Variants in PRKAG2 observed in about 807,000 individuals in gnomAD.
PRKAG2 encodes protein kinase AMP-activated non-catalytic subunit gamma 2, also known as 5'-AMP-activated protein kinase subunit gamma-2.
PRKAG2 carries 26 observed loss-of-function variants against 69.6 expected under a neutral mutation model. The ratio of observed to expected loss-of-function variants is 0.37; its 90% CI spans 0.27 to 0.52. PRKAG2 has a LOEUF of 0.52. Ranked by LOEUF, PRKAG2 falls within the 20% of genes least tolerant of loss-of-function variation. The pLI, the probability that PRKAG2 is intolerant of heterozygous loss-of-function variation, is 0.90. For missense variants in PRKAG2, 557 were observed against 740.0 expected (o/e 0.75, Z 2.87); for synonymous variants, 293 against 285.0 (o/e 1.03, Z -0.28).
chr7:151,796,717 C>T (rs2077555267), intron 1 of PRKAG2, among the ~76,000 whole-genome samples: 1 of 152,114 alleles, frequency 6.6e-6, no homozygotes, highest in Admixed American at 6.5e-5. Context: ...CTGTCCTTCC[C>T]CTTCGCAGAG....
intron 1 of PRKAG2, among the ~76,000 whole-genome samples, chr7:151,821,562 G>C (rs990499287): frequency 2.0e-5 from 3 of 152,126 alleles, no homozygotes; most frequent in South Asian, 4.1e-4. Context: ...CATGCACAAG[G>C]CTCCCCAATT....
chr7:151,735,756 T>G, intron 3 of PRKAG2: 1 of 1,136,994 alleles, frequency 8.8e-7, no homozygotes, highest in Non-Finnish European at 1.2e-6. Context: ...TTCCCACGTA[T>G]TCCTCTAACC....
At chr7:151,595,255 G>T in intron 6 of PRKAG2, 90 bp downstream of exon 6, 2 of 907,774 alleles carry the variant, frequency 2.2e-6, no homozygotes, top group Non-Finnish European at 1.8e-6. Context: ...CTCAATAAAC[G>T]TTTGCTGGCA....
At chr7:151,741,469 G>A (rs2073886874) in intron 3 of PRKAG2, among the ~76,000 whole-genome samples, 1 of 152,060 alleles carries the variant, frequency 6.6e-6, no homozygotes, top group Non-Finnish European at 1.5e-5. Context: ...CCTGAGGTCG[G>A]GAGTTCAAGA....
chr7:151,774,024 C>T (rs1273191323), intron 3 of PRKAG2, among the ~76,000 whole-genome samples: 4 of 152,066 alleles, frequency 2.6e-5, no homozygotes, highest in African/African-American at 9.7e-5. Context: ...AGATTTTGTC[C>T]CGGGGCTGAT....
intron 1 of PRKAG2, chr7:151,806,907 A>G: frequency 2.3e-6 from 1 of 439,610 alleles, no homozygotes; most frequent in South Asian, 1.6e-5. Context: ...TGGAGGTTGA[A>G]GTGAGCCAAG....
intron 1 of PRKAG2, among the ~76,000 whole-genome samples, chr7:151,851,129 AAAAC>A (rs2079557791): frequency 6.6e-6 from 1 of 152,094 alleles, no homozygotes; most frequent in Admixed American, 6.5e-5. Flanking sequence ...GAAATATCAC[AAAAC>A]AAACACACAC....
rs117160563 is a variant in PRKAG2 at position 151,583,415 on chromosome 7, G to A, written c.865-6963C>T. ...AATATTCCAAACGGACATGATACTC[G>A]TACAATGCATTAAAGAGCAGTGTCC... On this transcript the variant is annotated intron_variant, in intron 6 of 15. Coordinates refer to ENST00000287878, the MANE Select transcript of PRKAG2 (RefSeq NM_016203.4). The surrounding 1 kb of genome is among the most constrained non-coding windows in gnomAD (Gnocchi z 4.1). 0.025 allele frequency among the ~76,000 whole-genome samples: 3,810 copies of A among 152,218 alleles called. 64 individuals are homozygous for A. The highest frequency in any genetic ancestry group is 0.037 in the Non-Finnish European group (2,538 of 68,018).
In PRKAG2 at chr7:151,876,656, G is replaced by T; in HGVS notation, c.-36C>A. The T allele has an allele frequency of 6.3e-7, 1 of 1,589,042 alleles. No homozygotes were observed. On this transcript the variant is annotated 5_prime_UTR_variant, in exon 1 of 16. Transcript: ENST00000287878. The stretch of plus-strand genomic sequence containing the variant: ...AGAAGTTGATTCTGCGAAACTCCTC[G>T]GGGGTTCGGTCCCCTCCTTCCCTCC...
chr7:151,712,915 A>G (rs1795556316), intron 3 of PRKAG2, among the ~76,000 whole-genome samples: 1 of 152,126 alleles, frequency 6.6e-6, no homozygotes, highest in African/African-American at 2.4e-5. Flanking sequence ...GGTGCAGGAT[A>G]TTTTCAGCAC....
At position 151,807,636 on chromosome 7, in the gene PRKAG2, G is replaced by GT. The variant is rs1554607636; in HGVS notation, c.115-21096dup. 1 of 457,650 alleles carries GT rather than the reference G, an allele frequency of 2.2e-6. No individual in the cohort carries two copies. The highest frequency in any genetic ancestry group is 7.0e-5 in the East Asian group (1 of 14,374). 28.3% of individuals were successfully genotyped at this position (457,650 alleles called of 1,614,324 possible). A position where few individuals can be genotyped will look rare whatever the true frequency, so the allele number is the denominator to read the frequency against. ...ACCAAAAGCCCAGTTTCTCCAACAG[G>GT]TAAGTCCCAGCAGGGTGCGATGTCC... On this transcript the variant is annotated intron_variant, in intron 1 of 15. Transcript: ENST00000287878. The surrounding 1 kb of genome is among the most constrained non-coding windows in gnomAD (Gnocchi z 4.4).
At position 151,777,972 on chromosome 7, in the gene PRKAG2, T is replaced by C. The variant is rs1482611110; in HGVS notation, c.466+3180A>G. On this transcript the variant is annotated intron_variant, in intron 3 of 15. Coordinates refer to ENST00000287878, the MANE Select transcript of PRKAG2 (RefSeq NM_016203.4). This position sits in a 1 kb window ranked among gnomAD's most constrained non-coding sequence, Gnocchi z 4.3. ...CAAGACTTGCAACTTCCCCAGTTGCTCCTGTAGATAGTATCACTATTTAAC... is the reference window on the plus strand; with the variant it reads ...CAAGACTTGCAACTTCCCCAGTTGCCCCTGTAGATAGTATCACTATTTAAC... Among the ~76,000 whole-genome samples the C allele has an allele frequency of 6.6e-6, 1 of 152,116 alleles. No individual in the cohort carries two copies. Among genetic ancestry groups the C allele is most frequent in the Non-Finnish European group, 1.5e-5 (1 of 68,020 alleles).
At chr7:151,594,783 A>G (rs1248934069) in intron 6 of PRKAG2, among the ~76,000 whole-genome samples, 1 of 151,806 alleles carries the variant, frequency 6.6e-6, no homozygotes, top group Non-Finnish European at 1.5e-5. Context: ...TTCCACAACA[A>G]CTTGTGGACT....
At chr7:151,625,088 T>G (rs1822524918) in intron 5 of PRKAG2, among the ~76,000 whole-genome samples, 1 of 152,102 alleles carries the variant, frequency 6.6e-6, no homozygotes, top group Admixed American at 6.6e-5. Flanking sequence ...TAATGGCAAA[T>G]AAATGGGAGG....
intron 4 of PRKAG2, among the ~76,000 whole-genome samples, chr7:151,666,083 C>T (rs1033637775): frequency 2.6e-5 from 4 of 152,146 alleles, no homozygotes; most frequent in African/African-American, 7.2e-5. Context: ...CCCCTCACAC[C>T]GGATGAAACA....
rs75009609 is a variant in PRKAG2 at position 151,791,984 on chromosome 7, C to G, written c.115-5443G>C. Among the ~76,000 whole-genome samples, 351 of 152,320 alleles carry G rather than the reference C, an allele frequency of 2.3e-3. 1 individual carries two copies. The highest frequency in any genetic ancestry group is 3.9e-3 in the Non-Finnish European group (265 of 68,038). On this transcript the variant is annotated intron_variant, in intron 1 of 15. Coordinates refer to ENST00000287878, the MANE Select transcript of PRKAG2 (RefSeq NM_016203.4). ...AGAGGTTAAGTCATTTGCCCAATGC[C>G]AGAGAATCAGACAGTAGCAAGCATG...
intron 4 of PRKAG2, among the ~76,000 whole-genome samples, chr7:151,651,641 G>A (rs1173264776): frequency 6.6e-6 from 1 of 151,638 alleles, no homozygotes; most frequent in Non-Finnish European, 1.5e-5. Context: ...CAAGATAGAT[G>A]GACAGATTCT....
chr7:151,634,580 T>G (rs1563313006), intron 4 of PRKAG2, among the ~76,000 whole-genome samples: 8 of 152,194 alleles, frequency 5.3e-5, no homozygotes. Flanking sequence ...ACACTGCCTA[T>G]AGGGTTAGCC....
At chr7:151,775,160 G>A (rs2076278255) in intron 3 of PRKAG2, among the ~76,000 whole-genome samples, 1 of 152,236 alleles carries the variant, frequency 6.6e-6, no homozygotes, top group Admixed American at 6.5e-5. Flanking sequence ...AAGGAGGGTG[G>A]GATGCCACAG....
Sources: gnomAD v4.1 joint callset for allele counts (sites outside exome capture counted in the v4.1 genomes callset) on GRCh38, gnomAD v4.1.1 for gene constraint, Gnocchi (gnomAD v3.1) non-coding constraint, MANE v1.5 for transcripts, NCBI Gene and HGNC (gene_info 2026-07-23, HGNC 2026-07-21) for gene names.